The following STXBP5L variants were observed in gnomAD, a reference collection of about 807,000 sequenced individuals.
STXBP5L encodes syntaxin-binding protein 5-like.
In STXBP5L, 65 loss-of-function variants were observed where a neutral mutation model predicts 144.5. That is an observed-to-expected ratio of 0.45 (90% CI 0.37 to 0.55). The LOEUF is 0.55. STXBP5L is among the 20% of genes least tolerant of loss of function. The pLI, the probability that STXBP5L is intolerant of heterozygous loss-of-function variation, is 0.00. For synonymous variants in STXBP5L, 505 were observed against 469.6 expected (o/e 1.08, Z -0.97); for missense variants, 1,298 against 1,405.5 (o/e 0.92, Z 1.22).
chr3:121,087,971 A>C (rs779835820), intron 5 of STXBP5L, among the ~76,000 whole-genome samples: 2 of 152,152 alleles, frequency 1.3e-5, no homozygotes, highest in Admixed American at 1.3e-4. Flanking sequence ...TCTCTCATTT[A>C]TAATAAATTT....
At chr3:121,086,934 A>C (rs903584314) in intron 5 of STXBP5L, among the ~76,000 whole-genome samples, 1 of 152,046 alleles carries the variant, frequency 6.6e-6, no homozygotes, top group Admixed American at 6.6e-5. Context: ...CCCATTGTTA[A>C]GTGATGCATG....
intron 2 of STXBP5L, among the ~76,000 whole-genome samples, chr3:120,937,036 G>A (rs182350830): frequency 6.6e-5 from 10 of 152,236 alleles, no homozygotes; most frequent in African/African-American, 2.2e-4. Flanking sequence ...GGGGAGACAG[G>A]AAGGCTAGAG....
chr3:121,205,032 G>A (rs571560063), intron 9 of STXBP5L, among the ~76,000 whole-genome samples: 7 of 152,252 alleles, frequency 4.6e-5, no homozygotes, highest in African/African-American at 1.4e-4. Flanking sequence ...TTTTAAAAAT[G>A]TATTTGATAG....
chr3:120,997,150 C>G (rs1043218547), intron 3 of STXBP5L, among the ~76,000 whole-genome samples: 9 of 152,104 alleles, frequency 5.9e-5, no homozygotes, highest in African/African-American at 2.2e-4. Flanking sequence ...CATAATTTTC[C>G]ATGGTGTATA....
rs529182039 is a variant in STXBP5L at position 121,240,068 on chromosome 3, T to C, written c.1333-372T>C. On this transcript the variant is annotated intron_variant, in intron 13 of 26. Transcript: ENST00000471454. ...GATTTCTATTATTCTCCCAGGGCTCTTGGGATGGACAACTTCAAGAGACAC... is the reference window on the plus strand; with the variant it reads ...GATTTCTATTATTCTCCCAGGGCTCCTGGGATGGACAACTTCAAGAGACAC... Among the ~76,000 whole-genome samples, 84 of 152,246 alleles carry C rather than the reference T, an allele frequency of 5.5e-4. 3 individuals are homozygous for C. In the East Asian group the frequency reaches 0.012, roughly 22 times the overall value.
At chr3:121,341,787 C>T (rs1005125997) in intron 20 of STXBP5L, among the ~76,000 whole-genome samples, 1 of 152,036 alleles carries the variant, frequency 6.6e-6, no homozygotes, top group African/African-American at 2.4e-5. Context: ...CATGTTCTCA[C>T]TTATTCGTGG....
intron 9 of STXBP5L, among the ~76,000 whole-genome samples, chr3:121,184,962 A>T (rs983406356): frequency 1.3e-5 from 2 of 152,188 alleles, no homozygotes; most frequent in African/African-American, 4.8e-5. Flanking sequence ...ATCCAGCCAA[A>T]TAGTTTCATA....
At chr3:121,362,217 A>G (rs967313834) in intron 20 of STXBP5L, among the ~76,000 whole-genome samples, 6 of 152,182 alleles carry the variant, frequency 3.9e-5, no homozygotes, top group Non-Finnish European at 7.3e-5. Context: ...CACTACTATT[A>G]TTGTGATGAG....
At chr3:121,348,717 T>G (rs1171510138) in intron 20 of STXBP5L, among the ~76,000 whole-genome samples, 1 of 152,150 alleles carries the variant, frequency 6.6e-6, no homozygotes, top group Non-Finnish European at 1.5e-5. Flanking sequence ...TTTATCCATT[T>G]CTTCTAGATT....
intron 7 of STXBP5L, among the ~76,000 whole-genome samples, chr3:121,128,454 T>A (rs1577024312): frequency 6.6e-6 from 1 of 152,124 alleles, no homozygotes; most frequent in East Asian, 1.9e-4. Flanking sequence ...TGTCTTCACT[T>A]AACCTAATAA....
intron 5 of STXBP5L, among the ~76,000 whole-genome samples, chr3:121,087,401 T>C (rs774974467): frequency 6.6e-6 from 1 of 152,110 alleles, no homozygotes; most frequent in Admixed American, 6.6e-5. Context: ...ATCTTCTTGG[T>C]AGAGTGACCA....
chr3:120,909,747 G>A lies in STXBP5L; in HGVS notation c.169G>A (p.Glu57Lys). The change falls in exon 2 of 27, where the codon GAG becomes AAG. Residue 57 changes from glutamate to lysine, a missense_variant. Coordinates refer to ENST00000471454, the MANE Select transcript of STXBP5L (RefSeq NM_001308330.2). ...GGAAATTCAGGAAACTTTGACTTCG[G>A]AGTATTTCCAGATTTGCAAGGTAAG... ...REEIQETLTS[E>K]YFQICKTVRH... 1 of 1,612,122 alleles carries A rather than the reference G, an allele frequency of 6.2e-7. No individual in the cohort carries two copies. Among genetic ancestry groups the A allele is most frequent in the East Asian group, 2.2e-5 (1 of 44,832 alleles).
intron 7 of STXBP5L, among the ~76,000 whole-genome samples, chr3:121,132,866 A>G (rs2045059312): frequency 6.6e-6 from 1 of 152,170 alleles, no homozygotes; most frequent in Admixed American, 6.6e-5. Context: ...AGAGGGGTCA[A>G]TAGCAGGCTA....
intron 19 of STXBP5L, among the ~76,000 whole-genome samples, chr3:121,297,107 G>A (rs1411293072): frequency 6.6e-6 from 1 of 152,056 alleles, no homozygotes; most frequent in Non-Finnish European, 1.5e-5. Context: ...GATTTTCATA[G>A]TCCAATTTGA....
chr3:121,175,456 C>A (rs1480267265), intron 9 of STXBP5L, among the ~76,000 whole-genome samples: 1 of 152,116 alleles, frequency 6.6e-6, no homozygotes, highest in Non-Finnish European at 1.5e-5. Context: ...ATTTATGAGG[C>A]ATATGACAAG....
chr3:120,967,855 T>G (rs1187216241), intron 3 of STXBP5L, among the ~76,000 whole-genome samples: 1 of 152,176 alleles, frequency 6.6e-6, no homozygotes, highest in Non-Finnish European at 1.5e-5. Flanking sequence ...ACTTCTTCAT[T>G]AAACCATTCA....
At chr3:121,284,058 G>A (rs575408970) in intron 19 of STXBP5L, among the ~76,000 whole-genome samples, 2 of 152,084 alleles carry the variant, frequency 1.3e-5, no homozygotes, top group Admixed American at 6.6e-5. Flanking sequence ...GAGACTGAAG[G>A]TCAGGAGCAG....
At chr3:121,211,444 G>C (rs930066992) in intron 10 of STXBP5L, among the ~76,000 whole-genome samples, 4 of 152,016 alleles carry the variant, frequency 2.6e-5, no homozygotes, top group African/African-American at 9.7e-5. Context: ...GATTGCCCTG[G>C]TCAGAACCTC....
intron 4 of STXBP5L, among the ~76,000 whole-genome samples, chr3:121,043,308 CTG>C (rs1236668546): frequency 6.6e-6 from 1 of 152,096 alleles, no homozygotes; most frequent in African/African-American, 2.4e-5. Flanking sequence ...AACCTAGACA[CTG>C]TGGTGTTCTG....
Sources: gnomAD v4.1 joint callset for allele counts (sites outside exome capture counted in the v4.1 genomes callset) on GRCh38, gnomAD v4.1.1 for gene constraint, MANE v1.5 for transcripts, NCBI Gene and HGNC (gene_info 2026-07-23, HGNC 2026-07-21) for gene names.